The following TAF1 variants were observed in gnomAD, a reference collection of about 807,000 sequenced individuals.
TAF1 encodes the protein transcription initiation factor TFIID subunit 1.
A neutral mutation model predicts 138.5 loss-of-function variants in TAF1; 2 were observed. The ratio of observed to expected loss-of-function variants is 0.01; its 90% CI spans 0.01 to 0.05. TAF1 has a LOEUF of 0.05. Ranked by LOEUF, TAF1 falls within the 10% of genes least tolerant of loss-of-function variation. The pLI, the probability that TAF1 is intolerant of heterozygous loss-of-function variation, is 1.00. For missense variants in TAF1, 709 were observed against 1,478.0 expected, an observed-to-expected ratio of 0.48 and a Z score of 8.53; for synonymous variants, 437 against 503.2, an observed-to-expected ratio of 0.87 and a Z score of 1.76.
At position 71,377,668 on chromosome X, in the gene TAF1, G is replaced by C. The variant is rs781617074; in HGVS notation, c.780G>C (p.Arg260=). The C allele has an allele frequency of 2.5e-6, 3 of 1,211,623 alleles. No homozygotes were observed. The highest frequency in any genetic ancestry group is 4.4e-5 in the Admixed American group (2 of 45,919). ...TCCCATCTGTTTGGCGGAGTGCTCG[G>C]AGAAAGAGGAAGAAGAAGCACCGTG... ...KNVPSVWRSA[R]RKRKKKHREL... Residue 260 remains arginine, a synonymous_variant, in exon 6 of 38, where the codon CGG becomes CGC. Coordinates refer to ENST00000423759, the MANE Select transcript of TAF1 (RefSeq NM_004606.5).
At chrX:71,447,696 CAAAA>C (rs67753069) in intron 32 of TAF1, among the ~76,000 whole-genome samples, 2 of 86,004 alleles carry the variant, frequency 2.3e-5, no homozygotes, top group Admixed American at 1.3e-4. Flanking sequence ...GACACTGTGT[CAAAA>C]AAAAAAAAAA....
downstream of TAF1, among the ~76,000 whole-genome samples, chrX:71,467,347 A>G (rs770522139): frequency 4.5e-5 from 5 of 110,294 alleles, no homozygotes; most frequent in East Asian, 2.9e-4. Context: ...GGCTCAAGCA[A>G]TCTTCCCACC....
At chrX:71,512,351 G>A (rs1357639261) in intron 13 of TAF1, among the ~76,000 whole-genome samples, 1 of 111,647 alleles carries the variant, frequency 9.0e-6, no homozygotes, top group Non-Finnish European at 1.9e-5. Context: ...AAACTCTTCT[G>A]ATCCAGATGC....
chrX:71,457,717 C>T (rs924301397), intron 34 of TAF1, among the ~76,000 whole-genome samples: 1 of 112,113 alleles, frequency 8.9e-6, no homozygotes, highest in Admixed American at 9.5e-5. Context: ...TACTCACTAG[C>T]AAGTGTTGGG....
chrX:71,529,739 G>A (rs1266417586), exon 15 of TAF1: 6 of 331,524 alleles, frequency 1.8e-5, no homozygotes, highest in Non-Finnish European at 3.5e-5. Context: ...GTGAAAATCC[G>A]TGCCAGACTT....
chrX:71,452,088 G>A (rs2038001600), intron 32 of TAF1, among the ~76,000 whole-genome samples: 2 of 103,495 alleles, frequency 1.9e-5, no homozygotes, highest in African/African-American at 7.2e-5. Flanking sequence ...CGGACGGGGC[G>A]GCTGGCCGGG....
At chrX:71,374,825 C>T (rs2033352421) in intron 3 of TAF1, among the ~76,000 whole-genome samples, 1 of 110,459 alleles carries the variant, frequency 9.1e-6, no homozygotes. Flanking sequence ...TATTGAGTGG[C>T]CCTGTAATCC....
At position 71,397,437 on chromosome X, in the gene TAF1, C is replaced by A; in HGVS notation, c.3591C>A (p.Arg1197=). 1 of 1,211,771 alleles carries A rather than the reference C, an allele frequency of 8.3e-7. No individual in the cohort carries two copies. Among genetic ancestry groups the A allele is most frequent in the African/African-American group, 1.7e-5 (1 of 57,826 alleles). Residue 1197 remains arginine, a synonymous_variant, in exon 23 of 38, where the codon CGC becomes CGA. Transcript: ENST00000423759. ...CAGCTGTCATTGATGCCTATGTGCGCATACGGACTACAAAAGATGAGGAAT... is the reference window on the plus strand; with the variant it reads ...CAGCTGTCATTGATGCCTATGTGCGAATACGGACTACAAAAGATGAGGAAT... ...RKPAVIDAYV[R]IRTTKDEEFI...
chrX:71,382,050 G>A (rs1019148237), intron 9 of TAF1, 131 bp downstream of exon 9: 2 of 759,073 alleles, frequency 2.6e-6, no homozygotes, highest in African/African-American at 4.4e-5. Context: ...TTGAGAGAGC[G>A]AAGTTTTGGC....
chrX:71,504,018 T>G (rs1397243917), intron 13 of TAF1, among the ~76,000 whole-genome samples: 2 of 111,155 alleles, frequency 1.8e-5, no homozygotes, highest in Non-Finnish European at 3.8e-5. Context: ...GAGATTATCC[T>G]TGATAATCTG....
chrX:71,423,905 A>C (rs2036474622), intron 30 of TAF1, 69 bp from the exon 31 acceptor site: 1 of 878,434 alleles, frequency 1.1e-6, no homozygotes, highest in African/African-American at 2.0e-5. Context: ...TTTGTAACCC[A>C]ACAAAGGTGG....
At chrX:71,366,895 C>G (rs1227586123) in intron 1 of TAF1, among the ~76,000 whole-genome samples, 1 of 111,786 alleles carries the variant, frequency 8.9e-6, no homozygotes, top group African/African-American at 3.2e-5. Flanking sequence ...TGGACAGGAC[C>G]TGCCTCCCGC....
chrX:71,529,002 A>AT (rs1032800870), intron 14 of TAF1, among the ~76,000 whole-genome samples: 3 of 111,115 alleles, frequency 2.7e-5, no homozygotes, highest in African/African-American at 9.8e-5. Flanking sequence ...TAATTGGTGC[A>AT]TTTTACAGAG....
At chrX:71,470,867 GAATA>G (rs1450925438), downstream of TAF1, among the ~76,000 whole-genome samples, 1 of 107,658 alleles carries the variant, frequency 9.3e-6, no homozygotes, top group African/African-American at 3.4e-5. Flanking sequence ...AAATAAAATA[GAATA>G]AATAAAAACA....
chrX:71,402,264 C>T (rs562872068), intron 25 of TAF1, among the ~76,000 whole-genome samples: 5 of 111,601 alleles, frequency 4.5e-5, no homozygotes, highest in African/African-American at 9.8e-5. Flanking sequence ...CACGCCACCA[C>T]GCCCGGCTAA....
chrX:71,443,108 T>G (rs1293427224), intron 32 of TAF1, among the ~76,000 whole-genome samples: 1 of 111,971 alleles, frequency 8.9e-6, no homozygotes, highest in Non-Finnish European at 1.9e-5. Flanking sequence ...GCCTCCAGCT[T>G]TGTTCTCTTG....
Position 71,513,482 on chromosome X carries a change from G to A in TAF1, c.1367-15060G>A, listed in dbSNP as rs562063639. 6.3e-5 allele frequency among the ~76,000 whole-genome samples: 7 copies of A among 111,602 alleles called. No individual in the cohort carries two copies. In the South Asian group the frequency reaches 2.7e-3, roughly 42 times the overall value. ...AAGAAGGGGAGAAGAGTGGTTAGCT[G>A]TACCCACCCAACGTTAGAGGTCTGT... On this transcript the variant is annotated intron_variant and NMD_transcript_variant, in intron 13 of 14. Transcript: ENST00000373775.
chrX:71,404,644 A>C (rs751721534), intron 25 of TAF1, among the ~76,000 whole-genome samples: 3 of 111,721 alleles, frequency 2.7e-5, no homozygotes, highest in Non-Finnish European at 3.8e-5. Context: ...GCTGGTATAC[A>C]TATATTTTAA....
At chrX:71,406,782 G>A (rs758733796) in intron 26 of TAF1, 36 bp downstream of exon 26, 1 of 1,120,918 alleles carries the variant, frequency 8.9e-7, no homozygotes, top group South Asian at 1.9e-5. Context: ...GATTAGGTAG[G>A]TTATCATTGA....
Sources: gnomAD v4.1 joint callset for allele counts (sites outside exome capture counted in the v4.1 genomes callset) on GRCh38, gnomAD v4.1.1 for gene constraint, MANE v1.5 for transcripts, NCBI Gene and HGNC (gene_info 2026-07-23, HGNC 2026-07-21) for gene names.